PDGFD: variants seen among roughly 807,000 people sequenced by gnomAD.
The protein encoded by PDGFD is platelet derived growth factor D.
Under a neutral mutation model 44.7 loss-of-function variants are expected in PDGFD, and 30 were observed. The ratio of observed to expected loss-of-function variants is 0.67; its 90% CI spans 0.50 to 0.91. PDGFD has a LOEUF of 0.91. Among genes scored for constraint, PDGFD ranks in the 40% least tolerant of loss-of-function variants. The pLI is 0.00. For synonymous variants in PDGFD, 173 were observed against 168.4 expected (o/e 1.03, Z -0.21); for missense variants, 445 against 457.8 (o/e 0.97, Z 0.25).
At chr11:103,926,055 T>C (rs1254324891) in intron 6 of PDGFD, among the ~76,000 whole-genome samples, 2 of 151,958 alleles carry the variant, frequency 1.3e-5, no homozygotes, top group African/African-American at 4.8e-5. Context: ...TAAAGTGCTA[T>C]ATATTACTAG....
intron 1 of PDGFD, among the ~76,000 whole-genome samples, chr11:104,066,818 T>C (rs1860797432): frequency 6.6e-6 from 1 of 152,164 alleles, no homozygotes; most frequent in South Asian, 2.1e-4. Context: ...ACTCGGCCTT[T>C]GAAAATTAGC....
intron 1 of PDGFD, among the ~76,000 whole-genome samples, chr11:104,051,099 G>GA (rs112708876): frequency 0.25 from 38,507 of 151,548 alleles, 5,366 homozygotes; most frequent in Admixed American, 0.33. Flanking sequence ...GGTGATACAG[G>GA]AAAAAAAAAT....
At chr11:104,052,546 G>A (rs1422609199) in intron 1 of PDGFD, among the ~76,000 whole-genome samples, 2 of 152,004 alleles carry the variant, frequency 1.3e-5, no homozygotes, top group East Asian at 3.8e-4. Flanking sequence ...AGCTACCAGG[G>A]AAGGTGCTCA....
intron 3 of PDGFD, among the ~76,000 whole-genome samples, chr11:103,974,228 A>T (rs568238226): frequency 6.6e-6 from 1 of 152,308 alleles, no homozygotes; most frequent in South Asian, 2.1e-4. Context: ...AAGAGAAGAG[A>T]CAATGCCTAT....
chr11:104,129,088 T>C (rs361298), intron 1 of PDGFD, among the ~76,000 whole-genome samples: 2 of 152,066 alleles, frequency 1.3e-5, no homozygotes, highest in East Asian at 3.9e-4. Flanking sequence ...GAAACGCACA[T>C]AGAATTTTAA....
intron 1 of PDGFD, among the ~76,000 whole-genome samples, chr11:104,059,447 T>A (rs536193689): frequency 6.6e-6 from 1 of 152,206 alleles, no homozygotes; most frequent in Admixed American, 6.5e-5. Flanking sequence ...ACAAAGTATC[T>A]TTTTACAAAT....
intron 1 of PDGFD, among the ~76,000 whole-genome samples, chr11:104,101,530 C>G (rs1861380730): frequency 6.6e-6 from 1 of 152,060 alleles, no homozygotes; most frequent in African/African-American, 2.4e-5. Flanking sequence ...CAATGCCATC[C>G]CCATCAAGCT....
At position 103,933,754 on chromosome 11, in the gene PDGFD, G is replaced by A. The variant is rs577961132; in HGVS notation, c.773-6628C>T. Among the ~76,000 whole-genome samples the A allele has an allele frequency of 7.1e-4, 108 of 152,124 alleles. 1 individual carries two copies. Among genetic ancestry groups the A allele is most frequent in the Non-Finnish European group, 1.3e-3 (87 of 68,024 alleles). On this transcript the variant is annotated intron_variant, in intron 5 of 6. Transcript: ENST00000393158. ...ATCTTAGATATTACAATTCCCATTG[G>A]ATGGATGTAGAAACTGAGTTGCAGA...
rs565876029 is a variant in PDGFD at position 103,920,331 on chromosome 11, A to G, written c.987+6581T>C. ...GTTGCAGTTTTAACTTTACAGAACT[A>G]AATAGTTAAATGATTTTGACAGCAC... is the stretch of plus-strand genomic sequence containing the variant. On this transcript the variant is annotated intron_variant, in intron 6 of 6. Transcript: ENST00000393158. 5.8e-4 allele frequency among the ~76,000 whole-genome samples: 89 copies of G among 152,378 alleles called. 1 individual carries two copies. The highest frequency in any genetic ancestry group is 6.8e-3 in the Middle Eastern group (2 of 294).
At chr11:104,091,395 G>C (rs769576100) in intron 1 of PDGFD, among the ~76,000 whole-genome samples, 6 of 152,056 alleles carry the variant, frequency 3.9e-5, no homozygotes, top group Non-Finnish European at 7.4e-5. Context: ...TTTCAGTCCT[G>C]CAGCCCTTCT....
intron 1 of PDGFD, among the ~76,000 whole-genome samples, chr11:104,134,306 C>T (rs1861968674): frequency 6.6e-6 from 1 of 152,042 alleles, no homozygotes; most frequent in African/African-American, 2.4e-5. Context: ...TAATTTTTTC[C>T]AGCTGCTAAG....
intron 1 of PDGFD, among the ~76,000 whole-genome samples, chr11:104,162,116 A>G (rs934664259): frequency 1.3e-5 from 2 of 151,904 alleles, no homozygotes; most frequent in African/African-American, 4.8e-5. Context: ...ATAGAGTTTT[A>G]ACAATGGAAA....
At chr11:104,119,308 TG>T (rs1195980255) in intron 1 of PDGFD, among the ~76,000 whole-genome samples, 44 of 50,418 alleles carry the variant, frequency 8.7e-4, no homozygotes, top group African/African-American at 1.8e-3. Flanking sequence ...TATAATATAT[TG>T]ATATAATATA....
rs376256658 is a variant in PDGFD, at chr11:104,052,050, AGTCTGT to A, written c.125-51801_125-51796del. On this transcript the variant is annotated intron_variant, in intron 1 of 6. Transcript: ENST00000393158. ...TTCCTCCTTGCCCCTGGCAACCAAC[AGTCTGT>A]GTTTTGTCTCTGTAGATTTAGGTAC... Among the ~76,000 whole-genome samples the A allele has an allele frequency of 4.5e-3, 686 of 152,260 alleles. 7 individuals are homozygous for A. Among genetic ancestry groups the A allele is most frequent in the African/African-American group, 0.016 (653 of 41,566 alleles).
rs745322872 is a variant in PDGFD, at chr11:104,038,247, C to A, written c.125-37992G>T. On this transcript the variant is annotated intron_variant, in intron 1 of 6. Transcript: ENST00000393158. ...AGGCATCCTGGGAAGGCTCTGGAGG[C>A]TCCAGCTGATTTCCAGATAATCCAT... The A allele has an allele frequency of 4.9e-4, 234 of 481,348 alleles. 2 individuals carry two copies. The highest frequency in any genetic ancestry group is 3.4e-3 in the Middle Eastern group (6 of 1,776). The allele number at this position is 481,348 out of a possible 1,614,324, so 29.8% of individuals were successfully genotyped here.
intron 1 of PDGFD, among the ~76,000 whole-genome samples, chr11:104,119,822 G>T (rs1861742800): frequency 1.8e-5 from 2 of 111,080 alleles, no homozygotes; most frequent in Non-Finnish European, 3.4e-5. Context: ...AAATAATTAT[G>T]TACTATATAA....
chr11:104,061,844 G>A (rs766437655), intron 1 of PDGFD, among the ~76,000 whole-genome samples: 2 of 152,158 alleles, frequency 1.3e-5, no homozygotes, highest in Non-Finnish European at 2.9e-5. Context: ...CTGGCCTCAA[G>A]TGATCCGCCC....
intron 1 of PDGFD, among the ~76,000 whole-genome samples, chr11:104,146,065 G>A (rs1427713309): frequency 6.6e-6 from 1 of 152,166 alleles, no homozygotes; most frequent in Non-Finnish European, 1.5e-5. Flanking sequence ...TCAGTCTGTG[G>A]CATTTTGGTA....
intron 1 of PDGFD, among the ~76,000 whole-genome samples, chr11:104,029,845 G>A (rs1860097909): frequency 6.6e-6 from 1 of 152,138 alleles, no homozygotes; most frequent in African/African-American, 2.4e-5. Context: ...AATTTTTATT[G>A]TATGATAGAT....
Sources: allele counts gnomAD v4.1 joint callset (sites outside exome capture counted in the v4.1 genomes callset), GRCh38; gene constraint gnomAD v4.1.1; transcripts MANE v1.5; gene names NCBI Gene and HGNC (gene_info 2026-07-23, HGNC 2026-07-21).